Variants in POLR3H observed in about 807,000 individuals in gnomAD.
The protein encoded by POLR3H is RNA polymerase III subunit H.
Under a neutral mutation model 25.5 loss-of-function variants are expected in POLR3H, and 17 were observed. The observed-to-expected ratio is 0.67, with a 90% CI of 0.46 to 1.00. The LOEUF (loss-of-function observed/expected upper bound fraction) is 1.00. Among genes scored for constraint, POLR3H ranks in the 50% least tolerant of loss-of-function variants. POLR3H has a pLI of 0.00. For missense variants in POLR3H, 274 were observed against 265.0 expected, an observed-to-expected ratio of 1.03 and a Z score of -0.24; for synonymous variants, 129 against 103.0, an observed-to-expected ratio of 1.25 and a Z score of -1.53.
In POLR3H at chr22:41,526,563, G is replaced by A. The variant is rs772343435; in HGVS notation, c.*2720C>T. On this transcript the variant is annotated 3_prime_UTR_variant, in exon 6 of 6. Coordinates refer to ENST00000355209, the MANE Select transcript of POLR3H (RefSeq NM_001018050.4). The stretch of plus-strand genomic sequence containing the variant: ...GGAAACTGGGAAGGAGGCCGACCAA[G>A]CCCAAAGGGGACTGCTGTGGAAGGG... 1.6e-6 allele frequency: 2 copies of A among 1,255,122 alleles called. No homozygotes were observed. The highest frequency in any genetic ancestry group is 2.5e-5 in the East Asian group (1 of 40,550). The allele number at this position is 1,255,122 out of a possible 1,614,324, so 77.7% of individuals were successfully genotyped here. A position where few individuals can be genotyped will look rare whatever the true frequency, so the allele number is the denominator to read the frequency against.
chr22:41,542,688 C>G (rs2066947125), intron 1 of POLR3H, among the ~76,000 whole-genome samples: 1 of 152,178 alleles, frequency 6.6e-6, no homozygotes, highest in Non-Finnish European at 1.5e-5. Context: ...AGCACAGAGC[C>G]TTGTCTCTGT....
intron 1 of POLR3H, 128 bp downstream of exon 1, chr22:41,543,863 A>C: frequency 1.4e-6 from 1 of 730,556 alleles, no homozygotes; most frequent in Non-Finnish European, 2.5e-6. Context: ...CACGGTGAAG[A>C]AAAGTTCTGA....
chr22:41,537,752 G>T (rs2145563508), intron 2 of POLR3H, among the ~76,000 whole-genome samples: 1 of 152,246 alleles, frequency 6.6e-6, no homozygotes, highest in South Asian at 2.1e-4. Flanking sequence ...ACAGATGAGG[G>T]TGGGGGCTAA....
In POLR3H at chr22:41,544,104, C is replaced by G. The variant is rs1249481925; in HGVS notation, c.-3G>C. The G allele has an allele frequency of 2.5e-6, 4 of 1,601,676 alleles. No homozygotes were observed. The highest frequency in any genetic ancestry group is 3.4e-6 in the Non-Finnish European group (4 of 1,169,342). Reference sequence around the variant, plus strand: ...ACCATTTCCACCAGGACGAACATCCCGGCCTGCGCTGGGGGCTCTGGGAAC... The same window carrying G: ...ACCATTTCCACCAGGACGAACATCCGGGCCTGCGCTGGGGGCTCTGGGAAC... On this transcript the variant is annotated 5_prime_UTR_variant, in exon 1 of 6. Transcript: ENST00000355209.
chr22:41,537,304 T>C (rs1601959031), intron 2 of POLR3H, among the ~76,000 whole-genome samples: 1 of 152,292 alleles, frequency 6.6e-6, no homozygotes, highest in East Asian at 1.9e-4. Context: ...TGTGCACAGA[T>C]AGGGAAACCG....
rs2066609073 is a variant in POLR3H, at chr22:41,526,846, C to G, written c.*2437G>C. 3.3e-6 allele frequency: 1 copy of G among 302,000 alleles called. No individual in the cohort carries two copies. Among genetic ancestry groups the G allele is most frequent in the Non-Finnish European group, 6.2e-6 (1 of 160,876 alleles). The allele number at this position is 302,000 out of a possible 1,614,324, so 18.7% of individuals were successfully genotyped here. On this transcript the variant is annotated 3_prime_UTR_variant, in exon 6 of 6. Transcript: ENST00000355209. ...TTTCTGCTTTGAGAAACAAACAGAA[C>G]CAGGGCTGAACCCAAGTCCTGGCCC...
intron 2 of POLR3H, chr22:41,533,780 G>A (rs963994262): frequency 7.2e-6 from 8 of 1,116,030 alleles, no homozygotes; most frequent in South Asian, 1.3e-5. Flanking sequence ...GCGGCCAAGG[G>A]CCACTTACGC....
intron 2 of POLR3H, 87 bp from the exon 3 acceptor site, chr22:41,532,832 C>T: frequency 1.4e-6 from 2 of 1,425,490 alleles, no homozygotes; most frequent in South Asian, 1.3e-5. Flanking sequence ...CACCTGGGGG[C>T]CTGTGTGGCT....
intron 1 of POLR3H, among the ~76,000 whole-genome samples, chr22:41,543,305 T>A (rs1222804197): frequency 3.3e-5 from 5 of 152,160 alleles, no homozygotes; most frequent in Admixed American, 3.3e-4. Context: ...CAGTTAATTC[T>A]GTACTACTAG....
chr22:41,526,464 G>C lies in POLR3H; in HGVS notation c.*2819C>G. On this transcript the variant is annotated 3_prime_UTR_variant, in exon 6 of 6. Transcript: ENST00000355209. ...GCCCGCTACTACAAGGTGGGTCAGAGTTGATAGGGGCAATGCCAGTGGTCA... is the reference window on the plus strand; with the variant it reads ...GCCCGCTACTACAAGGTGGGTCAGACTTGATAGGGGCAATGCCAGTGGTCA... The C allele has an allele frequency of 6.2e-7, 1 of 1,607,260 alleles. No homozygotes were observed. The highest frequency in any genetic ancestry group is 8.5e-7 in the Non-Finnish European group (1 of 1,175,470).
At position 41,528,207 on chromosome 22, in the gene POLR3H, C is replaced by A; in HGVS notation, c.*1076G>T. The A allele has an allele frequency of 2.1e-6, 2 of 973,730 alleles. No homozygotes were observed. The highest frequency in any genetic ancestry group is 2.6e-5 in the East Asian group (1 of 38,402). The allele number at this position is 973,730 out of a possible 1,614,324, so 60.3% of individuals were successfully genotyped here. The stretch of plus-strand genomic sequence containing the variant: ...TCAGAGTTGGGGGTTGGAGTCAACC[C>A]GGGGCCCTCACACCTCCCCAACCTC... On this transcript the variant is annotated 3_prime_UTR_variant, in exon 6 of 6. Transcript: ENST00000355209.
At chr22:41,541,507 A>T (rs2066928867) in intron 1 of POLR3H, among the ~76,000 whole-genome samples, 1 of 152,046 alleles carries the variant, frequency 6.6e-6, no homozygotes, top group South Asian at 2.1e-4. Flanking sequence ...CCCACTTAGA[A>T]CCCTTGCAAG....
In POLR3H at chr22:41,527,627, G is replaced by A. The variant is rs2146151695; in HGVS notation, c.*1656C>T. The stretch of plus-strand genomic sequence containing the variant: ...TCCCGCAGGCCCTGCTTCCAGGCTT[G>A]TAGATCTGAGCCGCTGAGATCTAGG... On this transcript the variant is annotated 3_prime_UTR_variant, in exon 6 of 6. Transcript: ENST00000355209. 3 of 827,928 alleles carry A rather than the reference G, an allele frequency of 3.6e-6. No individual in the cohort carries two copies. The highest frequency in any genetic ancestry group is 1.8e-5 in the South Asian group (1 of 55,300). The allele number at this position is 827,928 out of a possible 1,614,324, so 51.3% of individuals were successfully genotyped here. A position where few individuals can be genotyped will look rare whatever the true frequency, so the allele number is the denominator to read the frequency against.
Position 41,528,222 on chromosome 22 carries a change from T to TC in POLR3H, c.*1060dup, listed in dbSNP as rs2066644951. On this transcript the variant is annotated 3_prime_UTR_variant, in exon 6 of 6. Transcript: ENST00000355209. ...GGAGTCAACCCGGGGCCCTCACACC[T>TC]CCCCAACCTCCCTTTACTCACCAGG... The TC allele has an allele frequency of 4.7e-6, 4 of 852,506 alleles. No individual in the cohort carries two copies. Among genetic ancestry groups the TC allele is most frequent in the Non-Finnish European group, 7.1e-6 (4 of 565,484 alleles). The allele number at this position is 852,506 out of a possible 1,614,324, so 52.8% of individuals were successfully genotyped here. A position where few individuals can be genotyped will look rare whatever the true frequency, so the allele number is the denominator to read the frequency against.
chr22:41,526,385 G>A lies in POLR3H; in HGVS notation c.*2898C>T, dbSNP rs774364288. On this transcript the variant is annotated 3_prime_UTR_variant, in exon 6 of 6. Coordinates refer to ENST00000355209, the MANE Select transcript of POLR3H (RefSeq NM_001018050.4). The stretch of plus-strand genomic sequence containing the variant: ...TGCCATCAACATTGAAAACGGCAAG[G>A]CCAACTCCGTGCGCAATGCCGTCAC... 4 of 1,613,706 alleles carry A rather than the reference G, an allele frequency of 2.5e-6. No homozygotes were observed. The African/African-American group carries it at 4.0e-5, about 16-fold the overall frequency.
Position 41,526,187 on chromosome 22 carries a change from C to A in POLR3H, c.*3096G>T. The A allele has an allele frequency of 7.3e-7, 1 of 1,371,366 alleles. No individual in the cohort carries two copies. The highest frequency in any genetic ancestry group is 9.9e-7 in the Non-Finnish European group (1 of 1,011,262). 84.9% of individuals were successfully genotyped at this position (1,371,366 alleles called of 1,614,324 possible). ...CCTCCTGGGCCCCGGGGCCTGCTGC[C>A]TGCCTCTGGAGGGCTTGTCATCCAC... On this transcript the variant is annotated 3_prime_UTR_variant, in exon 6 of 6. Coordinates refer to ENST00000355209, the MANE Select transcript of POLR3H (RefSeq NM_001018050.4).
Position 41,528,374 on chromosome 22 carries a change from T to C in POLR3H, c.*909A>G. On this transcript the variant is annotated 3_prime_UTR_variant, in exon 6 of 6. Transcript: ENST00000355209. Reference sequence around the variant, plus strand: ...CTGGCCTAGGATTTGGTTTGCCTGCTGACCTCTTAGGTCCCCAGGCAGTGC... The same window carrying C: ...CTGGCCTAGGATTTGGTTTGCCTGCCGACCTCTTAGGTCCCCAGGCAGTGC... 6.7e-7 allele frequency: 1 copy of C among 1,484,282 alleles called. No homozygotes were observed. The highest frequency in any genetic ancestry group is 2.3e-5 in the East Asian group (1 of 42,562). 91.9% of individuals were successfully genotyped at this position (1,484,282 alleles called of 1,614,324 possible).
At chr22:41,540,883 A>T in intron 1 of POLR3H, 88 bp from the exon 2 acceptor site, 2 of 941,718 alleles carry the variant, frequency 2.1e-6, no homozygotes, top group South Asian at 2.8e-5. Flanking sequence ...GCCCCTCACA[A>T]CCACAAGCAA....
intron 2 of POLR3H, among the ~76,000 whole-genome samples, chr22:41,537,892 G>A (rs1601960006): frequency 6.6e-6 from 1 of 151,608 alleles, no homozygotes; most frequent in Non-Finnish European, 1.5e-5. Flanking sequence ...CTGGGTTCAA[G>A]CGATTCTCCT....
Sources: allele counts gnomAD v4.1 joint callset (sites outside exome capture counted in the v4.1 genomes callset), GRCh38; gene constraint gnomAD v4.1.1; transcripts MANE v1.5; gene names NCBI Gene and HGNC (gene_info 2026-07-23, HGNC 2026-07-21).